AMPH: variants seen among roughly 807,000 people sequenced by gnomAD.
The protein encoded by AMPH is amphiphysin (Stiff-Mann syndrome with breast cancer 128kD autoantigen).
Under a neutral mutation model 99.1 loss-of-function variants are expected in AMPH, and 49 were observed. The ratio of observed to expected loss-of-function variants is 0.49; its 90% CI spans 0.39 to 0.63. The LOEUF (loss-of-function observed/expected upper bound fraction) is 0.63. AMPH is among the 20% of genes least tolerant of loss of function. AMPH has a pLI of 0.00. For missense variants in AMPH, 759 were observed against 863.4 expected, an observed-to-expected ratio of 0.88 and a Z score of 1.52; for synonymous variants, 314 against 317.3, an observed-to-expected ratio of 0.99 and a Z score of 0.11.
chr7:38,436,430 C>T, intron 11 of AMPH, 42 bp from the exon 12 acceptor site: 1 of 1,439,820 alleles, frequency 6.9e-7, no homozygotes, highest in Middle Eastern at 1.7e-4. Flanking sequence ...CATGTATTAG[C>T]TTGAATCTGA....
chr7:38,545,011 T>C (rs1396658760), intron 1 of AMPH, among the ~76,000 whole-genome samples: 1 of 152,224 alleles, frequency 6.6e-6, no homozygotes, highest in Non-Finnish European at 1.5e-5. Context: ...GTAGAGTCTA[T>C]GGAAACATCT....
At chr7:38,502,406 G>C (rs1016510150) in intron 3 of AMPH, among the ~76,000 whole-genome samples, 1 of 152,164 alleles carries the variant, frequency 6.6e-6, no homozygotes, top group African/African-American at 2.4e-5. Flanking sequence ...ACCTGAATAT[G>C]TGCTCAGAGT....
intron 17 of AMPH, among the ~76,000 whole-genome samples, chr7:38,401,590 C>T (rs1784841936): frequency 6.6e-6 from 1 of 152,172 alleles, no homozygotes; most frequent in South Asian, 2.1e-4. Flanking sequence ...TATTGTGTTT[C>T]TTTGTGCTCA....
At chr7:38,396,879 T>C (rs1247128981) in intron 17 of AMPH, among the ~76,000 whole-genome samples, 2 of 152,226 alleles carry the variant, frequency 1.3e-5, no homozygotes, top group Non-Finnish European at 2.9e-5. Context: ...AAGGACCTAA[T>C]AAAGTTTCTT....
chr7:38,592,956 T>C (rs528896846), intron 1 of AMPH, among the ~76,000 whole-genome samples: 1 of 152,338 alleles, frequency 6.6e-6, no homozygotes, highest in African/African-American at 2.4e-5. Flanking sequence ...GTTATTGTAC[T>C]GACACACCTC....
intron 2 of AMPH, among the ~76,000 whole-genome samples, chr7:38,513,131 T>C (rs910116593): frequency 6.6e-6 from 1 of 152,240 alleles, no homozygotes; most frequent in African/African-American, 2.4e-5. Context: ...ATACTTATAT[T>C]TTAAAAACTT....
intron 1 of AMPH, among the ~76,000 whole-genome samples, chr7:38,619,994 C>G (rs1047180091): frequency 2.0e-5 from 3 of 151,990 alleles, no homozygotes; most frequent in African/African-American, 7.2e-5. Context: ...CTTCAACATC[C>G]TAGGAGTGCT....
intron 1 of AMPH, among the ~76,000 whole-genome samples, chr7:38,579,390 T>C (rs1792364155): frequency 1.3e-5 from 2 of 152,194 alleles, no homozygotes; most frequent in Admixed American, 1.3e-4. Context: ...GTGCCATTCT[T>C]CCCAGATCAG....
chr7:38,599,559 A>T (rs1302126523), intron 1 of AMPH, among the ~76,000 whole-genome samples: 1 of 152,222 alleles, frequency 6.6e-6, no homozygotes, highest in African/African-American at 2.4e-5. Context: ...ACAGTAGGCT[A>T]TTAGTAATTA....
intron 11 of AMPH, among the ~76,000 whole-genome samples, chr7:38,437,625 C>CAAAAAAAAAAAAAAAAA (rs70977404): frequency 1.1e-5 from 1 of 94,816 alleles, no homozygotes. Flanking sequence ...ACTAAAAATA[C>CAAAAAAAAAAAAAAAAA]AAAAAAAAAA....
intron 1 of AMPH, 138 bp downstream of exon 1, chr7:38,631,144 TC>T: frequency 1.4e-6 from 1 of 714,772 alleles, no homozygotes; most frequent in Non-Finnish European, 1.8e-6. Flanking sequence ...GGGCAGGGCG[TC>T]CCAGCGTCCC....
intron 14 of AMPH, chr7:38,429,459 G>A: frequency 7.7e-7 from 1 of 1,302,590 alleles, no homozygotes; most frequent in South Asian, 1.2e-5. Flanking sequence ...ACTAGCGTCA[G>A]GGCCCCAAGT....
At chr7:38,445,857 A>G (rs1484374929) in intron 11 of AMPH, among the ~76,000 whole-genome samples, 1 of 152,128 alleles carries the variant, frequency 6.6e-6, no homozygotes, top group East Asian at 1.9e-4. Context: ...GTTTTCATGA[A>G]TGGTTTAGCA....
chr7:38,593,010 T>C (rs1009274100), intron 1 of AMPH, among the ~76,000 whole-genome samples: 35 of 152,184 alleles, frequency 2.3e-4, no homozygotes, highest in Non-Finnish European at 4.6e-4. Flanking sequence ...TCCAACTAAA[T>C]TGCAAGTGAT....
chr7:38,490,625 G>C (rs903796396), intron 5 of AMPH, among the ~76,000 whole-genome samples: 2 of 152,068 alleles, frequency 1.3e-5, no homozygotes, highest in East Asian at 3.8e-4. Context: ...ATGCAAAATA[G>C]ACAGTAAAGA....
At chr7:38,549,794 T>C (rs939090536) in intron 1 of AMPH, among the ~76,000 whole-genome samples, 1 of 152,188 alleles carries the variant, frequency 6.6e-6, no homozygotes, top group Non-Finnish European at 1.5e-5. Flanking sequence ...AAAACCTCTC[T>C]CTATGGACTG....
intron 2 of AMPH, chr7:38,531,151 G>A (rs945991250): frequency 6.6e-6 from 1 of 152,180 alleles, no homozygotes; most frequent in Non-Finnish European, 1.5e-5. Flanking sequence ...TTCAACCTGG[G>A]CAGGTTCACC....
At chr7:38,573,924 T>C (rs971465001) in intron 1 of AMPH, among the ~76,000 whole-genome samples, 1 of 152,202 alleles carries the variant, frequency 6.6e-6, no homozygotes, top group Non-Finnish European at 1.5e-5. Flanking sequence ...CATCCCCATT[T>C]TACAGATGAG....
chr7:38,489,899 T>C (rs1788655870), intron 5 of AMPH, among the ~76,000 whole-genome samples: 1 of 152,132 alleles, frequency 6.6e-6, no homozygotes, highest in South Asian at 2.1e-4. Context: ...ATAACAATAC[T>C]GTATTGTGCA....
Sources: allele counts gnomAD v4.1 joint callset (sites outside exome capture counted in the v4.1 genomes callset), GRCh38; gene constraint gnomAD v4.1.1; transcripts MANE v1.5; gene names NCBI Gene and HGNC (gene_info 2026-07-23, HGNC 2026-07-21).